Variants in CCBE1 observed in about 807,000 individuals in gnomAD.
The protein encoded by CCBE1 is collagen and calcium binding EGF domains 1.
CCBE1 carries 37 observed loss-of-function variants against 50.0 expected under a neutral mutation model. The ratio of observed to expected loss-of-function variants is 0.74; its 90% CI spans 0.57 to 0.97. The LOEUF is 0.97. Among genes scored for constraint, CCBE1 ranks in the 50% least tolerant of loss-of-function variants. The pLI, the probability that CCBE1 is intolerant of heterozygous loss-of-function variation, is 0.00. For missense variants in CCBE1, 538 were observed against 523.8 expected (o/e 1.03, Z -0.26); for synonymous variants, 234 against 203.7 (o/e 1.15, Z -1.27).
intron 10 of CCBE1, among the ~76,000 whole-genome samples, chr18:59,437,353 C>T (rs1568137798): frequency 6.6e-6 from 1 of 152,218 alleles, no homozygotes; most frequent in Non-Finnish European, 1.5e-5. Flanking sequence ...ACAGTATTTT[C>T]ATATCATTTG....
At chr18:59,529,303 C>T (rs989155374) in intron 2 of CCBE1, among the ~76,000 whole-genome samples, 4 of 152,228 alleles carry the variant, frequency 2.6e-5, no homozygotes, top group African/African-American at 7.2e-5. Context: ...GTCCAAACCA[C>T]CCAATCTCCC....
chr18:59,552,744 G>C (rs1915974204), intron 2 of CCBE1, among the ~76,000 whole-genome samples: 1 of 152,168 alleles, frequency 6.6e-6, no homozygotes, highest in African/African-American at 2.4e-5. Flanking sequence ...GATGTGTCTG[G>C]AGTATTTTCA....
chr18:59,653,040 C>T (rs2054146240), intron 2 of CCBE1, among the ~76,000 whole-genome samples: 1 of 152,120 alleles, frequency 6.6e-6, no homozygotes, highest in Non-Finnish European at 1.5e-5. Flanking sequence ...TTATAGAAAA[C>T]TATGAAAAGG....
At chr18:59,447,912 C>T in intron 7 of CCBE1, 71 bp downstream of exon 7, 1 of 1,608,904 alleles carries the variant, frequency 6.2e-7, no homozygotes, top group Middle Eastern at 2.0e-4. Context: ...TGTCCAGGCC[C>T]CAGCAAATGT....
intron 2 of CCBE1, among the ~76,000 whole-genome samples, chr18:59,639,712 C>T (rs949539471): frequency 6.6e-6 from 1 of 152,140 alleles, no homozygotes; most frequent in Non-Finnish European, 1.5e-5. Context: ...TTCCCTGTTT[C>T]CAGGCGATAT....
At chr18:59,546,819 C>G in intron 2 of CCBE1, among the ~76,000 whole-genome samples, 1 of 152,030 alleles carries the variant, frequency 6.6e-6, no homozygotes, top group African/African-American at 2.4e-5. Flanking sequence ...TTAAAACAAT[C>G]TTTTATCTAA....
At chr18:59,667,073 A>G (rs1038730831) in intron 2 of CCBE1, among the ~76,000 whole-genome samples, 12 of 152,148 alleles carry the variant, frequency 7.9e-5, no homozygotes, top group African/African-American at 2.9e-4. Context: ...CAGGAGTTTG[A>G]GACCAGCCTG....
chr18:59,434,703 A>C lies in CCBE1; in HGVS notation c.*1205T>G, dbSNP rs1176435282. 6.6e-6 allele frequency: 1 copy of C among 152,230 alleles called. No individual in the cohort carries two copies. The highest frequency in any genetic ancestry group is 1.5e-5 in the Non-Finnish European group (1 of 68,036). The allele number at this position is 152,230 out of a possible 1,614,324, so 9.4% of individuals were successfully genotyped here. A position where few individuals can be genotyped will look rare whatever the true frequency, so the allele number is the denominator to read the frequency against. On this transcript the variant is annotated 3_prime_UTR_variant, in exon 11 of 11. Coordinates refer to ENST00000439986, the MANE Select transcript of CCBE1 (RefSeq NM_133459.4). ...ACTAAATTAAAGAAAATTAAGAAAA[A>C]ATGAGAATAGGAAGGAAGTTTTTGC...
intron 2 of CCBE1, among the ~76,000 whole-genome samples, chr18:59,543,847 A>AAAAAAAAAAAAAAAAAAAAG (rs1915576051): frequency 3.8e-5 from 3 of 78,536 alleles, no homozygotes; most frequent in African/African-American, 9.1e-5. Context: ...AAAAAAAAAA[A>AAAAAAAAAAAAAAAAAAAAG]AAAAAAAAAA....
At chr18:59,599,190 T>C (rs1208297275) in intron 2 of CCBE1, among the ~76,000 whole-genome samples, 1 of 151,952 alleles carries the variant, frequency 6.6e-6, no homozygotes, top group Admixed American at 6.6e-5. Context: ...AGGAAGAAGA[T>C]GGGAAAAGAG....
intron 2 of CCBE1, among the ~76,000 whole-genome samples, chr18:59,596,819 G>T (rs530309470): frequency 6.6e-6 from 1 of 152,192 alleles, no homozygotes; most frequent in Non-Finnish European, 1.5e-5. Context: ...TGAGCATCAC[G>T]TCGTCAAAAC....
chr18:59,652,001 T>C (rs1371094925), intron 2 of CCBE1, among the ~76,000 whole-genome samples: 2 of 152,252 alleles, frequency 1.3e-5, no homozygotes, highest in Admixed American at 1.3e-4. Context: ...TTTTAATCTT[T>C]AACCCATTTC....
chr18:59,628,874 A>G (rs777512822), intron 2 of CCBE1, among the ~76,000 whole-genome samples: 2 of 152,116 alleles, frequency 1.3e-5, no homozygotes, highest in African/African-American at 4.8e-5. Flanking sequence ...CTCACCCCAA[A>G]TTAGCAAGTC....
chr18:59,552,377 G>A (rs1032565038), intron 2 of CCBE1, among the ~76,000 whole-genome samples: 1 of 152,142 alleles, frequency 6.6e-6, no homozygotes, highest in Non-Finnish European at 1.5e-5. Context: ...TTCGTCAGAG[G>A]GTCAGTTCAT....
intron 2 of CCBE1, among the ~76,000 whole-genome samples, chr18:59,671,821 A>AGGGG (rs1555706971): frequency 7.2e-6 from 1 of 139,834 alleles, no homozygotes; most frequent in Non-Finnish European, 1.5e-5. Context: ...TTAAAAAAAA[A>AGGGG]GGGGGGGGGT....
At chr18:59,516,756 T>C (rs1568182251) in intron 2 of CCBE1, among the ~76,000 whole-genome samples, 1 of 152,180 alleles carries the variant, frequency 6.6e-6, no homozygotes, top group African/African-American at 2.4e-5. Context: ...AGGCAGAATG[T>C]GGCAGGAGTG....
In CCBE1 at chr18:59,696,639, T is replaced by C; in HGVS notation, c.202A>G (p.Thr68Ala). 2 of 1,613,880 alleles carry C rather than the reference T, an allele frequency of 1.2e-6. No individual in the cohort carries two copies. Among genetic ancestry groups the C allele is most frequent in the East Asian group, 2.2e-5 (1 of 44,890 alleles). Residue 68 changes from threonine (T) to alanine (A), a missense_variant, in exon 2 of 11, where the codon ACA becomes GCA. Transcript: ENST00000439986. Reference sequence around the variant, plus strand: ...AGCCCCCAGGCTTACCTGTAGCATGTGGTGAGCTCGCCTGAAGACTTCAGA... The same window carrying C: ...AGCCCCCAGGCTTACCTGTAGCATGCGGTGAGCTCGCCTGAAGACTTCAGA... ...PCLKSSGELT[T>A]CYRKKCCKGY...
intron 2 of CCBE1, among the ~76,000 whole-genome samples, chr18:59,555,741 T>A: frequency 6.8e-6 from 1 of 147,118 alleles, no homozygotes; most frequent in Non-Finnish European, 1.5e-5. Flanking sequence ...ATTTCATAAA[T>A]CTAAGAGGTT....
At chr18:59,646,440 C>T (rs1021679700) in intron 2 of CCBE1, among the ~76,000 whole-genome samples, 12 of 152,270 alleles carry the variant, frequency 7.9e-5, no homozygotes, top group East Asian at 5.8e-4. Flanking sequence ...AAATCTACAA[C>T]GCCATCTAGA....
Sources: gnomAD v4.1 joint callset for allele counts (sites outside exome capture counted in the v4.1 genomes callset) on GRCh38, gnomAD v4.1.1 for gene constraint, MANE v1.5 for transcripts, NCBI Gene and HGNC (gene_info 2026-07-23, HGNC 2026-07-21) for gene names.